Variants in XKR9 observed in about 807,000 individuals in gnomAD.
The protein encoded by XKR9 is XK related 9, also known as XK-related protein 9.
In XKR9, 32 loss-of-function variants were observed where a neutral mutation model predicts 32.0. The ratio of observed to expected loss-of-function variants is 1.00; its 90% CI spans 0.76 to 1.34. The LOEUF (loss-of-function observed/expected upper bound fraction) is 1.34, where lower values mean the gene tolerates loss of function less well. XKR9 is among the 40% of genes most tolerant of loss of function. XKR9 has a pLI of 0.00. For synonymous variants in XKR9, 168 were observed against 143.4 expected, an observed-to-expected ratio of 1.17 and a Z score of -1.22; for missense variants, 546 against 429.7, an observed-to-expected ratio of 1.27 and a Z score of -2.39.
chr8:70,835,923 A>G, the XKR9 span, among the ~76,000 whole-genome samples: 18 of 152,142 alleles, frequency 1.2e-4, no homozygotes, highest in African/African-American at 4.3e-4. Context: ...ATTTACTTCT[A>G]TTCATTCATC....
the XKR9 span, among the ~76,000 whole-genome samples, chr8:70,802,959 A>T: frequency 6.6e-6 from 1 of 152,156 alleles, no homozygotes; most frequent in Non-Finnish European, 1.5e-5. Context: ...AGTATCTCAT[A>T]GGAGTTCTCT....
At chr8:71,029,941 G>C in the XKR9 span, among the ~76,000 whole-genome samples, 59 of 151,924 alleles carry the variant, frequency 3.9e-4, 1 homozygote. Context: ...TCATAGTAGA[G>C]TGATGCAGGC....
intron 2 of XKR9, among the ~76,000 whole-genome samples, chr8:70,754,841 A>T (rs1249478481): frequency 2.0e-5 from 3 of 152,248 alleles, no homozygotes; most frequent in East Asian, 3.9e-4. Context: ...ACCATTCAGG[A>T]CACAGGCATG....
the XKR9 span, among the ~76,000 whole-genome samples, chr8:70,995,822 C>G: frequency 6.6e-6 from 1 of 152,142 alleles, no homozygotes; most frequent in African/African-American, 2.4e-5. Flanking sequence ...ATCTTTCTGT[C>G]GGAAATTCTT....
At chr8:70,778,765 A>G (rs1226496435) in intron 2 of XKR9, among the ~76,000 whole-genome samples, 2 of 152,142 alleles carry the variant, frequency 1.3e-5, no homozygotes, top group South Asian at 2.1e-4. Context: ...TTATTGGTGT[A>G]TAGGGATGCT....
the XKR9 span, among the ~76,000 whole-genome samples, chr8:70,966,935 T>C: frequency 1.3e-5 from 2 of 152,144 alleles, no homozygotes; most frequent in Non-Finnish European, 2.9e-5. Context: ...GAAACTAGGG[T>C]TGTGACCCCA....
At chr8:70,950,324 T>C in the XKR9 span, among the ~76,000 whole-genome samples, 1 of 151,998 alleles carries the variant, frequency 6.6e-6, no homozygotes, top group Non-Finnish European at 1.5e-5. Flanking sequence ...GCTAGGAGCA[T>C]TTGAATTAGA....
At chr8:70,728,514 A>G (rs1451712693) in intron 4 of XKR9, among the ~76,000 whole-genome samples, 2 of 152,190 alleles carry the variant, frequency 1.3e-5, no homozygotes, top group African/African-American at 4.8e-5. Flanking sequence ...AAGGTAAATG[A>G]TGACTCTAGG....
chr8:70,787,290 T>C (rs1476036807), intron 2 of XKR9, among the ~76,000 whole-genome samples: 1 of 152,178 alleles, frequency 6.6e-6, no homozygotes, highest in Non-Finnish European at 1.5e-5. Context: ...AATTTTTAAA[T>C]ATGTTTCTCT....
intron 4 of XKR9, among the ~76,000 whole-genome samples, 181 bp downstream of exon 4, chr8:70,707,334 C>A (rs1161400976): frequency 6.6e-6 from 1 of 152,024 alleles, no homozygotes; most frequent in East Asian, 1.9e-4. Flanking sequence ...CTGTATTCAT[C>A]TGCCCAGAAA....
the XKR9 span, among the ~76,000 whole-genome samples, chr8:71,005,374 C>G: frequency 2.6e-5 from 4 of 151,860 alleles, no homozygotes; most frequent in East Asian, 2.0e-4. Flanking sequence ...AGGTGCCCAC[C>G]ACCACACCCA....
downstream of XKR9, among the ~76,000 whole-genome samples, chr8:70,793,904 T>A (rs1807796199): frequency 6.6e-6 from 1 of 152,132 alleles, no homozygotes; most frequent in South Asian, 2.1e-4. Context: ...AGTTGAAGTT[T>A]TGATAGTGAG....
the XKR9 span, among the ~76,000 whole-genome samples, chr8:71,023,596 G>A: frequency 3.3e-3 from 507 of 152,234 alleles, 2 homozygotes; most frequent in Middle Eastern, 0.037. Context: ...TGTCCAGGGA[G>A]CTTGCTTAGG....
the XKR9 span, among the ~76,000 whole-genome samples, chr8:70,974,617 C>A: frequency 6.6e-6 from 1 of 152,220 alleles, no homozygotes; most frequent in African/African-American, 2.4e-5. Context: ...GTATATGTGC[C>A]ACATTTTAAT....
chr8:70,693,251 T>A (rs1805143047), intron 3 of XKR9, among the ~76,000 whole-genome samples: 1 of 152,156 alleles, frequency 6.6e-6, no homozygotes, highest in Non-Finnish European at 1.5e-5. Context: ...TGGCTGAGGC[T>A]TTGTGTAGGG....
At chr8:70,673,498 A>G (rs545220864) in intron 1 of XKR9, among the ~76,000 whole-genome samples, 1 of 152,334 alleles carries the variant, frequency 6.6e-6, no homozygotes, top group South Asian at 2.1e-4. Context: ...AAAGAAACCT[A>G]TGGACAGTTA....
At chr8:71,055,968 T>C in the XKR9 span, among the ~76,000 whole-genome samples, 1 of 152,154 alleles carries the variant, frequency 6.6e-6, no homozygotes, top group Non-Finnish European at 1.5e-5. Context: ...ATGAAGGAAT[T>C]CTATTTTTTG....
chr8:70,853,427 C>T, the XKR9 span, among the ~76,000 whole-genome samples: 7 of 151,774 alleles, frequency 4.6e-5, no homozygotes, highest in South Asian at 1.0e-3. Flanking sequence ...TAAACCTGTA[C>T]ATCTACCATA....
downstream of XKR9, among the ~76,000 whole-genome samples, chr8:70,739,359 G>T (rs537920832): frequency 6.6e-6 from 1 of 152,106 alleles, no homozygotes; most frequent in Non-Finnish European, 1.5e-5. Context: ...GCCTATGTGT[G>T]TCTCTGCACA....
Sources: allele counts gnomAD v4.1 joint callset (sites outside exome capture counted in the v4.1 genomes callset), GRCh38; gene constraint gnomAD v4.1.1; transcripts MANE v1.5; gene names NCBI Gene and HGNC (gene_info 2026-07-23, HGNC 2026-07-21).